The following PCDHGB6 variants were observed in gnomAD, a reference collection of about 807,000 sequenced individuals.
PCDHGB6 encodes the protein protocadherin gamma-B6.
Under a neutral mutation model 59.1 loss-of-function variants are expected in PCDHGB6, and 51 were observed. The observed-to-expected ratio is 0.86, with a 90% CI of 0.69 to 1.09. The LOEUF (loss-of-function observed/expected upper bound fraction) is 1.09, where lower values mean the gene tolerates loss of function less well. PCDHGB6 is among the 50% of genes least tolerant of loss of function. PCDHGB6 has a pLI of 0.00. For missense variants in PCDHGB6, 1,148 were observed against 1,205.1 expected, an observed-to-expected ratio of 0.95 and a Z score of 0.70; for synonymous variants, 466 against 495.1, an observed-to-expected ratio of 0.94 and a Z score of 0.78.
At chr5:141,418,646 A>C (rs986717136) in intron 1 of PCDHGB6, 2 of 1,614,010 alleles carry the variant, frequency 1.2e-6, no homozygotes, top group Admixed American at 3.3e-5. Context: ...CTCCATCCTG[A>C]GAGTGAAGGC....
chr5:141,481,970 A>G (rs2099549884), intron 1 of PCDHGB6, among the ~76,000 whole-genome samples: 1 of 151,510 alleles, frequency 6.6e-6, no homozygotes, highest in Non-Finnish European at 1.5e-5. Flanking sequence ...CTGTAGTCAC[A>G]GCTACTTGGG....
At position 141,490,448 on chromosome 5, in the gene PCDHGB6, A is replaced by C. The variant is rs1309104827; in HGVS notation, c.2419-4359A>C. 1 of 1,614,206 alleles carries C rather than the reference A, an allele frequency of 6.2e-7. No homozygotes were observed. Among genetic ancestry groups the C allele is most frequent in the Admixed American group, 1.7e-5 (1 of 60,030 alleles). ...TTTCAGATTAAGCCTTCTGAGAACC[A>C]CTACTCGCTGCTAACCAGCCAGCCT... is the stretch of plus-strand genomic sequence containing the variant. On this transcript the variant is annotated intron_variant, in intron 1 of 3. Coordinates refer to ENST00000520790, the MANE Select transcript of PCDHGB6 (RefSeq NM_018926.3). This position sits in a 1 kb window ranked among gnomAD's most constrained non-coding sequence, Gnocchi z 5.4.
intron 1 of PCDHGB6, chr5:141,413,647 C>T (rs1371772412): frequency 1.2e-6 from 2 of 1,613,880 alleles, no homozygotes; most frequent in Non-Finnish European, 1.7e-6. Context: ...GCGTTTTCCT[C>T]TCCCGGAAGC....
At chr5:141,451,170 A>G (rs960062747) in intron 1 of PCDHGB6, among the ~76,000 whole-genome samples, 8 of 152,148 alleles carry the variant, frequency 5.3e-5, no homozygotes, top group East Asian at 3.9e-4. Flanking sequence ...GTAGTATATT[A>G]TTTAGCCATT....
At chr5:141,498,457 G>A (rs1028236637) in intron 2 of PCDHGB6, among the ~76,000 whole-genome samples, 8 of 152,126 alleles carry the variant, frequency 5.3e-5, no homozygotes, top group African/African-American at 1.9e-4. Flanking sequence ...CTTTTATCCA[G>A]TCTAACCCTG....
At chr5:141,422,074 C>A (rs886758924) in intron 1 of PCDHGB6, 1 of 1,612,264 alleles carries the variant, frequency 6.2e-7, no homozygotes, top group African/African-American at 1.3e-5. Flanking sequence ...GTATTCATTT[C>A]GGAACATGGA....
At chr5:141,478,639 A>G (rs377308663) in intron 1 of PCDHGB6, 168 of 1,552,322 alleles carry the variant, frequency 1.1e-4, no homozygotes, top group Non-Finnish European at 1.0e-4. Context: ...TTAGTGATGA[A>G]GATGTTTTCC....
At chr5:141,451,640 G>A (rs2098720679) in intron 1 of PCDHGB6, among the ~76,000 whole-genome samples, 1 of 152,166 alleles carries the variant, frequency 6.6e-6, no homozygotes, top group South Asian at 2.1e-4. Context: ...CCAGCACTCT[G>A]AGAGGCCAAG....
In PCDHGB6 at chr5:141,491,632, C is replaced by T; in HGVS notation, c.2419-3175C>T. On this transcript the variant is annotated intron_variant, in intron 1 of 3. Transcript: ENST00000520790. This position sits in a 1 kb window ranked among gnomAD's most constrained non-coding sequence, Gnocchi z 6.9. ...TCTAAGACCCCTCAGCGTTCAGCAG[C>T]CCACAGCTCTGGCGCTGGAGCCTGA... 1.2e-6 allele frequency: 2 copies of T among 1,613,886 alleles called. No individual in the cohort carries two copies. The highest frequency in any genetic ancestry group is 1.7e-6 in the Non-Finnish European group (2 of 1,179,994).
chr5:141,505,592 A>T, intron 3 of PCDHGB6, 111 bp downstream of exon 3: 2 of 1,567,266 alleles, frequency 1.3e-6, no homozygotes, highest in Admixed American at 3.6e-5. Flanking sequence ...GTTTCTCCAG[A>T]TCTTTCGGCA....
intron 1 of PCDHGB6, chr5:141,478,860 A>C: frequency 1.9e-5 from 25 of 1,331,544 alleles, no homozygotes; most frequent in Middle Eastern, 2.6e-4. Context: ...ACAAGATCTC[A>C]GCGATCAGAG....
At chr5:141,499,025 GAAGA>G (rs1309889371) in intron 2 of PCDHGB6, among the ~76,000 whole-genome samples, 11 of 140,712 alleles carry the variant, frequency 7.8e-5, no homozygotes, top group African/African-American at 2.6e-4. Flanking sequence ...AGGAAGGAAG[GAAGA>G]AAAGAAAGAA....
At chr5:141,417,700 A>G in intron 1 of PCDHGB6, 1 of 1,180,094 alleles carries the variant, frequency 8.5e-7, no homozygotes, top group Admixed American at 3.0e-5. Flanking sequence ...ACCAGCTCCC[A>G]CACAGAGGCT....
chr5:141,505,523 G>A, intron 3 of PCDHGB6, 42 bp downstream of exon 3: 1 of 1,612,760 alleles, frequency 6.2e-7, no homozygotes, highest in Middle Eastern at 1.7e-4. Flanking sequence ...GGGAGACCTG[G>A]GGTTCTGGGG....
At chr5:141,433,295 G>A (rs754784548) in intron 1 of PCDHGB6, 22 of 1,044,006 alleles carry the variant, frequency 2.1e-5, no homozygotes, top group Non-Finnish European at 2.9e-5. Flanking sequence ...CTAGGCTCAA[G>A]CAATTATCCC....
chr5:141,444,152 A>AT (rs747671382), intron 1 of PCDHGB6, among the ~76,000 whole-genome samples: 1,130 of 33,890 alleles, frequency 0.033, 460 homozygotes, highest in Non-Finnish European at 0.038. Flanking sequence ...TGTGTACTGG[A>AT]TTTTTTTTTT....
intron 3 of PCDHGB6, among the ~76,000 whole-genome samples, chr5:141,509,068 G>A (rs1267011061): frequency 6.6e-6 from 1 of 152,144 alleles, no homozygotes; most frequent in Non-Finnish European, 1.5e-5. Flanking sequence ...TCTCAGCTCC[G>A]GGGATTTGCG....
intron 1 of PCDHGB6, chr5:141,428,461 G>A: frequency 2.8e-6 from 1 of 352,014 alleles, no homozygotes; most frequent in South Asian, 2.8e-5. Flanking sequence ...CAACTACAAT[G>A]AGGGAACTTT....
chr5:141,485,416 C>T lies in PCDHGB6; in HGVS notation c.2419-9391C>T, dbSNP rs1311879785. On this transcript the variant is annotated intron_variant, in intron 1 of 3. Coordinates refer to ENST00000520790, the MANE Select transcript of PCDHGB6 (RefSeq NM_018926.3). This position sits in a 1 kb window ranked among gnomAD's most constrained non-coding sequence, Gnocchi z 5.7. Reference sequence around the variant, plus strand: ...GACACTTCCGTGTGGATTTGGACAGCGGAGCCCTGCTCATCAAGAACCCAA... The same window carrying T: ...GACACTTCCGTGTGGATTTGGACAGTGGAGCCCTGCTCATCAAGAACCCAA... 10 of 1,613,988 alleles carry T rather than the reference C, an allele frequency of 6.2e-6. No individual in the cohort carries two copies. Among genetic ancestry groups the T allele is most frequent in the South Asian group, 4.4e-5 (4 of 91,086 alleles).
Sources: gnomAD v4.1 joint callset for allele counts (sites outside exome capture counted in the v4.1 genomes callset) on GRCh38, gnomAD v4.1.1 for gene constraint, Gnocchi (gnomAD v3.1) non-coding constraint, MANE v1.5 for transcripts, NCBI Gene and HGNC (gene_info 2026-07-23, HGNC 2026-07-21) for gene names.